TRPC6: variants seen among roughly 807,000 people sequenced by gnomAD.
TRPC6 encodes short transient receptor potential channel 6.
Under a neutral mutation model 90.7 loss-of-function variants are expected in TRPC6, and 55 were observed. That is an observed-to-expected ratio of 0.61 (90% CI 0.49 to 0.76). The LOEUF (loss-of-function observed/expected upper bound fraction) is 0.76. TRPC6 is among the 30% of genes least tolerant of loss of function. The pLI is 0.00. For missense variants in TRPC6, 989 were observed against 1,122.7 expected (o/e 0.88, Z 1.70); for synonymous variants, 393 against 393.0 (o/e 1.00, Z 0.00).
chr11:101,474,392 T>C (rs1454795644), intron 6 of TRPC6, among the ~76,000 whole-genome samples: 1 of 152,056 alleles, frequency 6.6e-6, no homozygotes, highest in African/African-American at 2.4e-5. Context: ...TTTGGCATTA[T>C]TACATCAGGT....
chr11:101,458,980 A>T (rs925611425), intron 10 of TRPC6, among the ~76,000 whole-genome samples: 34 of 152,352 alleles, frequency 2.2e-4, no homozygotes, highest in Middle Eastern at 3.4e-3. Context: ...GTATGCATAC[A>T]CTAGGGCCAA....
At chr11:101,574,941 A>C (rs575374790) in intron 1 of TRPC6, among the ~76,000 whole-genome samples, 2 of 152,232 alleles carry the variant, frequency 1.3e-5, no homozygotes, top group Admixed American at 1.3e-4. Context: ...TGCTACTACA[A>C]GTCAGGACAA....
intron 3 of TRPC6, 171 bp downstream of exon 3, chr11:101,491,385 G>C (rs1859802583): frequency 1.4e-6 from 1 of 740,080 alleles, no homozygotes; most frequent in African/African-American, 1.8e-5. Context: ...AGTGAGCCGA[G>C]ATCGCACCAC....
chr11:101,470,018 TACA>T (rs1859251976), intron 9 of TRPC6, among the ~76,000 whole-genome samples: 1 of 152,204 alleles, frequency 6.6e-6, no homozygotes, highest in Non-Finnish European at 1.5e-5. Flanking sequence ...GTGCAGGAAT[TACA>T]ACATTTTCCT....
At chr11:101,580,868 A>T (rs1461068337) in intron 1 of TRPC6, among the ~76,000 whole-genome samples, 1 of 152,186 alleles carries the variant, frequency 6.6e-6, no homozygotes, top group East Asian at 1.9e-4. Context: ...AGTCAAAAGC[A>T]TATGGAAGAG....
chr11:101,553,877 G>A (rs1037482908), intron 1 of TRPC6, among the ~76,000 whole-genome samples: 3 of 151,988 alleles, frequency 2.0e-5, no homozygotes, highest in Non-Finnish European at 4.4e-5. Flanking sequence ...ATATGTAAAG[G>A]AAAATGAGAC....
At chr11:101,469,173 C>T (rs1484251879) in intron 10 of TRPC6, among the ~76,000 whole-genome samples, 1 of 152,174 alleles carries the variant, frequency 6.6e-6, no homozygotes, top group East Asian at 1.9e-4. Context: ...TATCACCAGT[C>T]TTCTATTCCA....
At chr11:101,497,551 G>T (rs1445526797) in intron 2 of TRPC6, among the ~76,000 whole-genome samples, 1 of 152,140 alleles carries the variant, frequency 6.6e-6, no homozygotes, top group Non-Finnish European at 1.5e-5. Flanking sequence ...AGTGTCAGCA[G>T]CAGAGGCATC....
intron 2 of TRPC6, among the ~76,000 whole-genome samples, chr11:101,494,472 G>A (rs4129255): frequency 0.42 from 63,340 of 151,878 alleles, 14,009 homozygotes; most frequent in African/African-American, 0.58. Flanking sequence ...AGAAGATCTG[G>A]AAACAGGCCA....
chr11:101,479,877 G>C (rs1456433767), intron 5 of TRPC6, among the ~76,000 whole-genome samples: 2 of 152,064 alleles, frequency 1.3e-5, no homozygotes, highest in Non-Finnish European at 2.9e-5. Context: ...TATATATAAA[G>C]TTTAAAATAA....
At chr11:101,474,066 G>A (rs190279198) in intron 6 of TRPC6, among the ~76,000 whole-genome samples, 2 of 152,280 alleles carry the variant, frequency 1.3e-5, no homozygotes, top group South Asian at 2.1e-4. Flanking sequence ...GCACACACAC[G>A]TATAACAAAG....
At chr11:101,575,185 A>G (rs12222757) in intron 1 of TRPC6, among the ~76,000 whole-genome samples, 20,108 of 152,186 alleles carry the variant, frequency 0.13, 1,790 homozygotes, top group East Asian at 0.47. Flanking sequence ...TATAGCATAG[A>G]AGCAGTTTTA....
At position 101,583,461 on chromosome 11, in the gene TRPC6, G is replaced by T; in HGVS notation, c.43C>A (p.Pro15Thr). The T allele has an allele frequency of 2.6e-6, 4 of 1,531,712 alleles. No homozygotes were observed. Among genetic ancestry groups the T allele is most frequent in the African/African-American group, 1.4e-5 (1 of 71,692 alleles). The allele number at this position is 1,531,712 out of a possible 1,614,324, so 94.9% of individuals were successfully genotyped here. A position where few individuals can be genotyped will look rare whatever the true frequency, so the allele number is the denominator to read the frequency against. Residue 15 changes from proline (P) to threonine (T), a missense_variant, in exon 1 of 13, where the codon CCC (proline) becomes ACC (threonine). Pro to Thr is a conservative substitution (Grantham distance 38, BLOSUM62 -1). Transcript: ENST00000344327. Reference sequence around the variant, plus strand: ...GCAGCGGCTCCGGCAGCGCCCCGGGGAGAACTGCCCCTCCGGGGCCCGAAC... The same window carrying T: ...GCAGCGGCTCCGGCAGCGCCCCGGGTAGAACTGCCCCTCCGGGGCCCGAAC... Reference protein sequence around the residue: ...PAFGPRRGSSPRGAAGAAARR... With the variant: ...PAFGPRRGSSTRGAAGAAARR...
chr11:101,559,524 T>A (rs569233327), intron 1 of TRPC6, among the ~76,000 whole-genome samples: 11 of 152,204 alleles, frequency 7.2e-5, no homozygotes, highest in Non-Finnish European at 1.6e-4. Context: ...GTTAACTTTT[T>A]TTCATAGGGA....
chr11:101,493,117 C>G, intron 2 of TRPC6, among the ~76,000 whole-genome samples: 1 of 152,136 alleles, frequency 6.6e-6, no homozygotes, highest in East Asian at 1.9e-4. Context: ...TACACTAAGA[C>G]CACCTATAAC....
intron 1 of TRPC6, among the ~76,000 whole-genome samples, chr11:101,573,278 G>A (rs997539405): frequency 1.4e-5 from 2 of 147,796 alleles, no homozygotes; most frequent in Non-Finnish European, 3.0e-5. Context: ...TTTCCTCATC[G>A]AACTGGTATT....
intron 3 of TRPC6, among the ~76,000 whole-genome samples, chr11:101,489,951 G>A (rs1859766695): frequency 6.6e-6 from 1 of 152,106 alleles, no homozygotes; most frequent in South Asian, 2.1e-4. Flanking sequence ...CCATTCCACT[G>A]TGGGTGGAAG....
rs201260623 is a variant in TRPC6, at chr11:101,583,855, G to C, written c.-352C>G. ...GGAGAGCAAGGGAGACGGAGCTGAAGAGTTACTATGTCAACAGAGACTCTC... is the reference window on the plus strand; with the variant it reads ...GGAGAGCAAGGGAGACGGAGCTGAACAGTTACTATGTCAACAGAGACTCTC... On this transcript the variant is annotated 5_prime_UTR_variant, in exon 1 of 13. Transcript: ENST00000344327. The C allele has an allele frequency of 1.3e-4, 32 of 243,538 alleles. No homozygotes were observed. In the South Asian group the frequency reaches 5.3e-3, roughly 40 times the overall value. 15.1% of individuals were successfully genotyped at this position (243,538 alleles called of 1,614,324 possible). A position where few individuals can be genotyped will look rare whatever the true frequency, so the allele number is the denominator to read the frequency against.
At chr11:101,476,645 A>C in intron 5 of TRPC6, 111 bp from the exon 6 acceptor site, 1 of 994,238 alleles carries the variant, frequency 1.0e-6, no homozygotes, top group Non-Finnish European at 1.6e-6. Context: ...ACCCTTCAAA[A>C]TTTGGTCCCA....
Sources: allele counts gnomAD v4.1 joint callset (sites outside exome capture counted in the v4.1 genomes callset), GRCh38; gene constraint gnomAD v4.1.1; transcripts MANE v1.5; gene names NCBI Gene and HGNC (gene_info 2026-07-23, HGNC 2026-07-21).